AHCYL1: variants seen among roughly 807,000 people sequenced by gnomAD.
AHCYL1 encodes the protein S-adenosylhomocysteine hydrolase-like protein 1.
A neutral mutation model predicts 79.3 loss-of-function variants in AHCYL1; 20 were observed. That is an observed-to-expected ratio of 0.25 (90% CI 0.18 to 0.37). The LOEUF (loss-of-function observed/expected upper bound fraction) is 0.37. Ranked by LOEUF, AHCYL1 falls within the 10% of genes least tolerant of loss-of-function variation. The pLI is 1.00. For synonymous variants in AHCYL1, 223 were observed against 242.2 expected (o/e 0.92, Z 0.74); for missense variants, 330 against 673.6 (o/e 0.49, Z 5.65).
At chr1:109,989,637 TC>T (rs1466703604) in intron 1 of AHCYL1, among the ~76,000 whole-genome samples, 1 of 152,194 alleles carries the variant, frequency 6.6e-6, no homozygotes. Flanking sequence ...TAGTTAATGA[TC>T]TGTAAATAAG....
intron 11 of AHCYL1, 56 bp from the exon 12 acceptor site, chr1:110,018,317 G>A (rs1050632729): frequency 1.3e-5 from 20 of 1,557,978 alleles, no homozygotes; most frequent in Non-Finnish European, 1.7e-5. Context: ...CTGAAAGCCA[G>A]CCAGTACCTT....
chr1:110,020,070 C>T (rs1030161595), intron 15 of AHCYL1, among the ~76,000 whole-genome samples: 3 of 152,206 alleles, frequency 2.0e-5, no homozygotes, highest in African/African-American at 7.2e-5. Context: ...AATACATCAT[C>T]TCTAGTCCTT....
intron 5 of AHCYL1, 65 bp from the exon 6 acceptor site, chr1:110,014,698 G>T (rs1651290563): frequency 1.6e-6 from 2 of 1,249,718 alleles, no homozygotes; most frequent in African/African-American, 1.5e-5. Context: ...ATGGATCTCA[G>T]AAAGTGATTT....
intron 1 of AHCYL1, among the ~76,000 whole-genome samples, chr1:110,004,741 G>T (rs1650538478): frequency 6.6e-6 from 1 of 151,498 alleles, no homozygotes; most frequent in South Asian, 2.1e-4. Context: ...GTGAGACCCT[G>T]TCTCTTTAAA....
At chr1:110,001,398 C>A (rs1212101874) in intron 1 of AHCYL1, among the ~76,000 whole-genome samples, 2 of 152,132 alleles carry the variant, frequency 1.3e-5, no homozygotes, top group Non-Finnish European at 2.9e-5. Context: ...ATTGGTCAGG[C>A]TGGTCTCAAA....
rs367701466 is a variant in AHCYL1, at chr1:110,022,024, A to G, written c.*344A>G. 4.3e-6 allele frequency: 1 copy of G among 234,384 alleles called. No homozygotes were observed. The allele number at this position is 234,384 out of a possible 1,614,324, so 14.5% of individuals were successfully genotyped here. A position where few individuals can be genotyped will look rare whatever the true frequency, so the allele number is the denominator to read the frequency against. The stretch of plus-strand genomic sequence containing the variant: ...GCTAAGGTACCTTCTCTGTGGAACA[A>G]TCTGCAATGTCTAAATCGCCTTAAA... On this transcript the variant is annotated 3_prime_UTR_variant, in exon 17 of 17. Coordinates refer to ENST00000369799, the MANE Select transcript of AHCYL1 (RefSeq NM_006621.7).
intron 1 of AHCYL1, among the ~76,000 whole-genome samples, chr1:110,003,350 G>T (rs11102046): frequency 0.056 from 8,577 of 152,008 alleles, 528 homozygotes; most frequent in African/African-American, 0.15. Context: ...TATATATATA[G>T]AGAGAGAAAA....
At chr1:110,006,404 G>A (rs914362930) in intron 1 of AHCYL1, among the ~76,000 whole-genome samples, 16 of 152,176 alleles carry the variant, frequency 1.1e-4, no homozygotes, top group Admixed American at 6.5e-5. Flanking sequence ...AAGACTTAAT[G>A]TTTGGAAGAA....
At chr1:110,020,101 C>T (rs142293573) in intron 15 of AHCYL1, among the ~76,000 whole-genome samples, 2 of 152,260 alleles carry the variant, frequency 1.3e-5, no homozygotes, top group African/African-American at 4.8e-5. Context: ...CACGGTGTAC[C>T]CATCTCCCAT....
intron 1 of AHCYL1, among the ~76,000 whole-genome samples, chr1:109,993,824 A>G (rs1254846367): frequency 1.3e-5 from 2 of 152,224 alleles, no homozygotes; most frequent in Admixed American, 6.5e-5. Flanking sequence ...ACTCTGTCCA[A>G]AGTTGAAACT....
intron 1 of AHCYL1, among the ~76,000 whole-genome samples, chr1:109,988,489 T>C (rs1649587741): frequency 1.3e-5 from 2 of 152,270 alleles, no homozygotes; most frequent in African/African-American, 4.8e-5. Context: ...CTTTTGCTGC[T>C]ACTTTGTGTA....
intron 4 of AHCYL1, 54 bp downstream of exon 4, chr1:110,012,516 A>T (rs913624895): frequency 7.9e-5 from 89 of 1,126,810 alleles, no homozygotes; most frequent in Middle Eastern, 2.9e-4. Context: ...AAAGAAATCA[A>T]TTTTTTTTTT....
At chr1:109,999,969 A>G (rs1284006176) in intron 1 of AHCYL1, among the ~76,000 whole-genome samples, 2 of 152,206 alleles carry the variant, frequency 1.3e-5, no homozygotes, top group African/African-American at 4.8e-5. Context: ...TTTGAGTGGC[A>G]CACCACAGAT....
intron 7 of AHCYL1, 29 bp downstream of exon 7, chr1:110,015,560 G>A (rs759612161): frequency 7.5e-6 from 12 of 1,593,936 alleles, no homozygotes; most frequent in Middle Eastern, 3.3e-4. Flanking sequence ...GCTGCCCCTT[G>A]TGTCCTTGCC....
At chr1:109,990,380 G>A (rs1649690097) in intron 1 of AHCYL1, among the ~76,000 whole-genome samples, 1 of 152,128 alleles carries the variant, frequency 6.6e-6, no homozygotes, top group Non-Finnish European at 1.5e-5. Context: ...GGTTTGCCTG[G>A]CGCAATTCTG....
At chr1:109,988,195 T>C (rs1168519841) in intron 1 of AHCYL1, among the ~76,000 whole-genome samples, 4 of 152,102 alleles carry the variant, frequency 2.6e-5, no homozygotes, top group Non-Finnish European at 5.9e-5. Context: ...ATAATACATG[T>C]CAATTCCTCA....
intron 2 of AHCYL1, 130 bp from the exon 3 acceptor site, chr1:110,011,084 G>A (rs1468908604): frequency 1.8e-6 from 2 of 1,129,328 alleles, no homozygotes; most frequent in Non-Finnish European, 2.5e-6. Flanking sequence ...AGAACTGAGA[G>A]CGTTGTAAAA....
Position 109,995,487 on chromosome 1 carries a change from T to C in AHCYL1, c.120+10315T>C, listed in dbSNP as rs114223607. On this transcript the variant is annotated intron_variant, in intron 1 of 16. Transcript: ENST00000369799. Reference sequence around the variant, plus strand: ...TAGGATCCATCTGATGGATTGTCTGTTCCTAACAGATGGAGTTGGCATTAA... The same window carrying C: ...TAGGATCCATCTGATGGATTGTCTGCTCCTAACAGATGGAGTTGGCATTAA... 2.6e-3 allele frequency among the ~76,000 whole-genome samples: 397 copies of C among 152,350 alleles called. 2 individuals carry two copies. Among genetic ancestry groups the C allele is most frequent in the African/African-American group, 9.2e-3 (383 of 41,582 alleles).
At position 109,984,896 on chromosome 1, in the gene AHCYL1, G is replaced by A. The variant is rs988529443; in HGVS notation, c.-157G>A. 11 of 1,201,164 alleles carry A rather than the reference G, an allele frequency of 9.2e-6. No homozygotes were observed. The African/African-American group carries it at 1.8e-4, about 19-fold the overall frequency. 74.4% of individuals were successfully genotyped at this position (1,201,164 alleles called of 1,614,324 possible). The stretch of plus-strand genomic sequence containing the variant: ...TGGGCTGCCGAACAGACAAGGCGTG[G>A]GCCACAGCACCTCAGAAGCCGACGC... On this transcript the variant is annotated 5_prime_UTR_variant, in exon 1 of 17. Transcript: ENST00000369799.
Sources: gnomAD v4.1 joint callset for allele counts (sites outside exome capture counted in the v4.1 genomes callset) on GRCh38, gnomAD v4.1.1 for gene constraint, MANE v1.5 for transcripts, NCBI Gene and HGNC (gene_info 2026-07-23, HGNC 2026-07-21) for gene names.